Variants in VDAC1 observed in about 807,000 individuals in gnomAD.
VDAC1 encodes the protein voltage dependent anion channel 1.
Under a neutral mutation model 34.7 loss-of-function variants are expected in VDAC1, and 10 were observed. The ratio of observed to expected loss-of-function variants is 0.29; its 90% CI spans 0.18 to 0.49. The LOEUF (loss-of-function observed/expected upper bound fraction) is 0.49. Ranked by LOEUF, VDAC1 falls within the 20% of genes least tolerant of loss-of-function variation. The pLI is 0.99. For synonymous variants in VDAC1, 130 were observed against 136.0 expected (o/e 0.96, Z 0.30); for missense variants, 230 against 347.9 (o/e 0.66, Z 2.69).
the VDAC1 span, among the ~76,000 whole-genome samples, chr5:134,045,104 A>G: frequency 2.0e-5 from 3 of 152,230 alleles, no homozygotes; most frequent in African/African-American, 4.8e-5. Context: ...AAACCCTCCA[A>G]AGCCACAGTG....
chr5:134,035,432 G>T, the VDAC1 span, among the ~76,000 whole-genome samples: 1 of 152,152 alleles, frequency 6.6e-6, no homozygotes, highest in African/African-American at 2.4e-5. Flanking sequence ...ACGTTTTGTA[G>T]AAAAGAGGTC....
chr5:134,057,975 CA>C, the VDAC1 span, among the ~76,000 whole-genome samples: 1 of 150,894 alleles, frequency 6.6e-6, no homozygotes, highest in African/African-American at 2.4e-5. Context: ...TGGCTCAATG[CA>C]ATCTCCACCT....
the VDAC1 span, among the ~76,000 whole-genome samples, chr5:134,107,718 G>A: frequency 3.3e-5 from 5 of 152,180 alleles, no homozygotes; most frequent in Admixed American, 1.3e-4. Flanking sequence ...CTGCTGCCTG[G>A]GAACAATAAG....
the VDAC1 span, among the ~76,000 whole-genome samples, chr5:134,044,173 G>A: frequency 6.6e-6 from 1 of 152,130 alleles, no homozygotes. Context: ...CCGTATAGCT[G>A]TCCAAAAGCT....
chr5:133,975,849 G>A lies in VDAC1; in HGVS notation c.702+22C>T, dbSNP rs755508737. 4.3e-6 allele frequency: 7 copies of A among 1,609,968 alleles called. No homozygotes were observed. The South Asian group carries it at 6.6e-5, about 15-fold the overall frequency. On this transcript the variant is annotated intron_variant, in intron 7 of 8. Coordinates refer to ENST00000265333, the MANE Select transcript of VDAC1 (RefSeq NM_003374.3). ...GAGCAGATGGGCCTGCCTGTGAGAT[G>A]CGTGATTCCACAGATACCCACCGAG...
chr5:134,008,605 C>A (rs1324894939), upstream of VDAC1, among the ~76,000 whole-genome samples: 2 of 152,126 alleles, frequency 1.3e-5, no homozygotes, highest in Non-Finnish European at 2.9e-5. Context: ...TAAACCTATT[C>A]CACCCCCCTT....
chr5:134,093,632 C>CA, the VDAC1 span, among the ~76,000 whole-genome samples: 2 of 152,174 alleles, frequency 1.3e-5, no homozygotes, highest in Non-Finnish European at 2.9e-5. Context: ...TTCAGATGTG[C>CA]ACTGGTGTCA....
intron 5 of VDAC1, among the ~76,000 whole-genome samples, chr5:133,985,472 G>A (rs6860954): frequency 0.25 from 37,763 of 151,984 alleles, 5,065 homozygotes; most frequent in Admixed American, 0.3. Flanking sequence ...TGGCCAACAC[G>A]GAAAAACCCT....
intron 1 of VDAC1, among the ~76,000 whole-genome samples, chr5:133,996,505 C>G (rs1753315357): frequency 6.6e-6 from 1 of 152,128 alleles, no homozygotes; most frequent in Non-Finnish European, 1.5e-5. Context: ...ACACATCCTT[C>G]TTGGCTCATC....
the VDAC1 span, among the ~76,000 whole-genome samples, chr5:134,106,933 A>T: frequency 6.6e-6 from 1 of 152,116 alleles, no homozygotes; most frequent in Non-Finnish European, 1.5e-5. Context: ...GCTTAAGAAT[A>T]ATCCCTCCCT....
the VDAC1 span, among the ~76,000 whole-genome samples, chr5:134,026,092 C>T: frequency 6.6e-6 from 1 of 152,152 alleles, no homozygotes; most frequent in Admixed American, 6.6e-5. Flanking sequence ...CCTCACACTC[C>T]CTGCCCTCAT....
the VDAC1 span, among the ~76,000 whole-genome samples, chr5:134,047,937 T>G: frequency 1.4e-5 from 2 of 147,146 alleles, no homozygotes; most frequent in Non-Finnish European, 3.0e-5. Flanking sequence ...ATTTTTCTCT[T>G]TTTTTTTTTT....
intron 2 of VDAC1, 135 bp from the exon 3 acceptor site, chr5:133,992,490 T>G (rs931946139): frequency 1.5e-5 from 8 of 549,550 alleles, no homozygotes; most frequent in Middle Eastern, 2.8e-4. Flanking sequence ...GCACCCAGTC[T>G]CTGCTGCTGC....
the VDAC1 span, among the ~76,000 whole-genome samples, chr5:134,062,179 G>C: frequency 6.6e-6 from 1 of 151,418 alleles, no homozygotes; most frequent in African/African-American, 2.4e-5. Flanking sequence ...TAGAGATGGG[G>C]TTTCACTATG....
intron 1 of VDAC1, among the ~76,000 whole-genome samples, chr5:134,001,324 G>A (rs1753542864): frequency 1.3e-5 from 2 of 152,178 alleles, no homozygotes; most frequent in African/African-American, 4.8e-5. Context: ...GTATAGGGTG[G>A]TGAACTCAAC....
chr5:134,086,003 G>T, the VDAC1 span, among the ~76,000 whole-genome samples: 2 of 152,218 alleles, frequency 1.3e-5, no homozygotes, highest in East Asian at 3.9e-4. Flanking sequence ...GACCACCCTG[G>T]ACAATATGGT....
At chr5:134,031,217 ACCTC>A in the VDAC1 span, among the ~76,000 whole-genome samples, 496 of 151,946 alleles carry the variant, frequency 3.3e-3, 4 homozygotes, top group African/African-American at 0.011. Context: ...AACATTGAAG[ACCTC>A]CTGGTTTTAT....
chr5:134,073,011 C>A, the VDAC1 span, among the ~76,000 whole-genome samples: 14,305 of 152,098 alleles, frequency 0.094, 944 homozygotes, highest in East Asian at 0.29. Flanking sequence ...CGGGGGTGGG[C>A]GGTTGGATGC....
chr5:134,050,560 A>AG, the VDAC1 span, among the ~76,000 whole-genome samples: 1 of 152,200 alleles, frequency 6.6e-6, no homozygotes, highest in Non-Finnish European at 1.5e-5. Flanking sequence ...CCTAAATTAC[A>AG]GGGGAATGAT....
Sources: allele counts gnomAD v4.1 joint callset (sites outside exome capture counted in the v4.1 genomes callset), GRCh38; gene constraint gnomAD v4.1.1; transcripts MANE v1.5; gene names NCBI Gene and HGNC (gene_info 2026-07-23, HGNC 2026-07-21).